ZFPM1: variants seen among roughly 807,000 people sequenced by gnomAD.
The protein encoded by ZFPM1 is zinc finger protein ZFPM1.
Under a neutral mutation model 46.3 loss-of-function variants are expected in ZFPM1, and 28 were observed. That is an observed-to-expected ratio of 0.60 (90% CI 0.45 to 0.83). The LOEUF is 0.83. ZFPM1 is among the 40% of genes least tolerant of loss of function. ZFPM1 has a pLI of 0.00. For missense variants in ZFPM1, 1,878 were observed against 1,432.4 expected, an observed-to-expected ratio of 1.31 and a Z score of -5.02; for synonymous variants, 957 against 675.9, an observed-to-expected ratio of 1.42 and a Z score of -6.45.
intron 7 of ZFPM1, 128 bp downstream of exon 7, chr16:88,532,363 A>T (rs1912856661): frequency 9.6e-7 from 1 of 1,041,108 alleles, no homozygotes; most frequent in African/African-American, 1.6e-5. Context: ...GGTCTCCGGC[A>T]CACCCAGGGC....
chr16:88,515,975 C>A, intron 4 of ZFPM1: 1 of 396,178 alleles, frequency 2.5e-6, no homozygotes, highest in South Asian at 1.4e-4. Flanking sequence ...GTCAAGAAAA[C>A]CCATAGGTAG....
chr16:88,535,378 AC>A lies in ZFPM1; in HGVS notation c.*403del. On this transcript the variant is annotated 3_prime_UTR_variant, in exon 10 of 10. Coordinates refer to ENST00000319555, the MANE Select transcript of ZFPM1 (RefSeq NM_153813.3). ...GGGCCAGCCGCTCTGGGCCTACCCC[AC>A]CCCAGCCCTGTCCATACCCCCCTAG... The A allele has an allele frequency of 6.3e-6, 1 of 159,246 alleles. No individual in the cohort carries two copies. Among genetic ancestry groups the A allele is most frequent in the Non-Finnish European group, 1.4e-5 (1 of 73,026 alleles). 9.9% of individuals were successfully genotyped at this position (159,246 alleles called of 1,614,324 possible).
intron 4 of ZFPM1, among the ~76,000 whole-genome samples, chr16:88,515,539 G>A (rs1483342090): frequency 6.6e-6 from 1 of 152,242 alleles, no homozygotes; most frequent in African/African-American, 2.4e-5. Context: ...GCTTATCTGT[G>A]GTGCAGGGAA....
At chr16:88,505,835 CAGAG>C (rs1449492712) in intron 3 of ZFPM1, among the ~76,000 whole-genome samples, 1 of 152,098 alleles carries the variant, frequency 6.6e-6, no homozygotes. Context: ...CCACCTCTAG[CAGAG>C]AGAGAGCCTC....
intron 1 of ZFPM1, among the ~76,000 whole-genome samples, chr16:88,481,324 G>A (rs1363635939): frequency 2.6e-5 from 4 of 152,152 alleles, no homozygotes; most frequent in Non-Finnish European, 4.4e-5. Flanking sequence ...GTGGTCCCAG[G>A]GCGAGGGAGG....
At chr16:88,452,892 C>G (rs1907337933), upstream of ZFPM1, among the ~76,000 whole-genome samples, 1 of 152,210 alleles carries the variant, frequency 6.6e-6, no homozygotes, top group Non-Finnish European at 1.5e-5. Flanking sequence ...CCCAGCGCGG[C>G]CTGGGGACAT....
At chr16:88,482,698 A>G (rs923223238) in intron 1 of ZFPM1, among the ~76,000 whole-genome samples, 1 of 152,104 alleles carries the variant, frequency 6.6e-6, no homozygotes, top group Non-Finnish European at 1.5e-5. Context: ...CCTCCAGCCC[A>G]TTTGCCAGAG....
chr16:88,473,150 G>A (rs1480569646), intron 1 of ZFPM1, among the ~76,000 whole-genome samples: 1 of 152,284 alleles, frequency 6.6e-6, no homozygotes, highest in Non-Finnish European at 1.5e-5. Context: ...AACTGAGCCA[G>A]AGGGCGTGAC....
At chr16:88,518,397 G>A (rs1306826429) in intron 4 of ZFPM1, among the ~76,000 whole-genome samples, 1 of 150,640 alleles carries the variant, frequency 6.6e-6, no homozygotes, top group African/African-American at 2.4e-5. Flanking sequence ...GGGTGGGTAG[G>A]TGCGTGGATG....
chr16:88,500,950 C>G (rs1910218090), intron 3 of ZFPM1, among the ~76,000 whole-genome samples: 1 of 152,142 alleles, frequency 6.6e-6, no homozygotes, highest in South Asian at 2.1e-4. Flanking sequence ...GGGGTGCAGC[C>G]TTGGCTGGGG....
chr16:88,521,479 C>T (rs1193856405), intron 4 of ZFPM1, among the ~76,000 whole-genome samples: 3 of 151,826 alleles, frequency 2.0e-5, no homozygotes, highest in African/African-American at 4.8e-5. Flanking sequence ...GGACCCCCCG[C>T]TAAGGTATCC....
chr16:88,532,781 G>A lies in ZFPM1; in HGVS notation c.1043-8G>A, dbSNP rs1229581383. ...CCTGGGCCTTGACCACCTCGCCATG[G>A]CCCACAGGTGTCTGCCACAGCTGTG... On this transcript the variant is annotated splice_region_variant and splice_polypyrimidine_tract_variant and intron_variant, in intron 8 of 9. Coordinates refer to ENST00000319555, the MANE Select transcript of ZFPM1 (RefSeq NM_153813.3). 6.2e-7 allele frequency: 1 copy of A among 1,613,028 alleles called. No individual in the cohort carries two copies. The highest frequency in any genetic ancestry group is 8.5e-7 in the Non-Finnish European group (1 of 1,179,918).
At chr16:88,457,296 G>C (rs765590471) in intron 1 of ZFPM1, among the ~76,000 whole-genome samples, 1 of 152,248 alleles carries the variant, frequency 6.6e-6, no homozygotes, top group Non-Finnish European at 1.5e-5. Flanking sequence ...GCTGTCAGAG[G>C]CCACCTTACC....
In ZFPM1 at chr16:88,533,688, C is replaced by G. The variant is rs1308371481; in HGVS notation, c.1730C>G (p.Ala577Gly). The change falls in exon 10 of 10, where the codon GCT (alanine) becomes GGT (glycine). Residue 577 changes from alanine (A) to glycine (G), a missense_variant. Physicochemically the swap from Ala to Gly is moderately conservative, Grantham distance 60 (BLOSUM62 0). Transcript: ENST00000319555. ...CTCTTCCCCGGGGCCCCCAAGGGCGCTACGTGCTTCGAGTGCGAGATCACC... is the reference window on the plus strand; with the variant it reads ...CTCTTCCCCGGGGCCCCCAAGGGCGGTACGTGCTTCGAGTGCGAGATCACC... ...TGLFPGAPKG[A>G]TCFECEITFS... 6.7e-7 allele frequency: 1 copy of G among 1,500,334 alleles called. No individual in the cohort carries two copies. Among genetic ancestry groups the G allele is most frequent in the East Asian group, 2.8e-5 (1 of 35,328 alleles). The allele number at this position is 1,500,334 out of a possible 1,614,324, so 92.9% of individuals were successfully genotyped here. A position where few individuals can be genotyped will look rare whatever the true frequency, so the allele number is the denominator to read the frequency against.
At chr16:88,476,600 TC>T (rs1390353543) in intron 1 of ZFPM1, among the ~76,000 whole-genome samples, 2 of 151,530 alleles carry the variant, frequency 1.3e-5, no homozygotes, top group Admixed American at 6.6e-5. Flanking sequence ...TGCTCCGAGA[TC>T]CCCGGGGGCC....
At chr16:88,459,377 T>C (rs1907701133) in intron 1 of ZFPM1, among the ~76,000 whole-genome samples, 1 of 152,196 alleles carries the variant, frequency 6.6e-6, no homozygotes, top group African/African-American at 2.4e-5. Context: ...GCCGTGGAAC[T>C]ATGGGCAAGG....
intron 3 of ZFPM1, among the ~76,000 whole-genome samples, chr16:88,500,196 G>A (rs950034801): frequency 3.9e-5 from 6 of 152,084 alleles, no homozygotes; most frequent in African/African-American, 1.4e-4. Context: ...GACATCTCGG[G>A]GGCAGGCCCA....
chr16:88,483,577 C>A lies in ZFPM1; in HGVS notation c.41-2362C>A, dbSNP rs534612865. On this transcript the variant is annotated intron_variant, in intron 1 of 9. Coordinates refer to ENST00000319555, the MANE Select transcript of ZFPM1 (RefSeq NM_153813.3). ...TCCCCGTGTTTTTCTGTCTTTCTCT[C>A]ATGGCCCCTTCCCTCACTGCACTTC... Among the ~76,000 whole-genome samples, 33 of 152,334 alleles carry A rather than the reference C, an allele frequency of 2.2e-4. No homozygotes were observed. The East Asian group carries it at 6.0e-3, about 28-fold the overall frequency.
chr16:88,516,961 G>A (rs1051859755), intron 4 of ZFPM1, among the ~76,000 whole-genome samples: 4 of 152,156 alleles, frequency 2.6e-5, no homozygotes, highest in African/African-American at 9.7e-5. Context: ...AGAGGAAAAT[G>A]AGTGCACAAG....
Sources: gnomAD v4.1 joint callset for allele counts (sites outside exome capture counted in the v4.1 genomes callset) on GRCh38, gnomAD v4.1.1 for gene constraint, MANE v1.5 for transcripts, NCBI Gene and HGNC (gene_info 2026-07-23, HGNC 2026-07-21) for gene names.